Variants in TRPM3 observed in about 807,000 individuals in gnomAD.
The protein encoded by TRPM3 is transient receptor potential cation channel subfamily M member 3, also known as long transient receptor potential channel 3.
A neutral mutation model predicts 181.2 loss-of-function variants in TRPM3; 77 were observed. The ratio of observed to expected loss-of-function variants is 0.42; its 90% CI spans 0.35 to 0.51. TRPM3 has a LOEUF of 0.51. Among genes scored for constraint, TRPM3 ranks in the 20% least tolerant of loss-of-function variants. TRPM3 has a pLI of 0.01. For synonymous variants in TRPM3, 745 were observed against 796.4 expected, an observed-to-expected ratio of 0.94 and a Z score of 1.09; for missense variants, 1,759 against 2,196.7, an observed-to-expected ratio of 0.80 and a Z score of 3.98.
At chr9:70,635,934 G>A (rs1005860684) in intron 11 of TRPM3, among the ~76,000 whole-genome samples, 1 of 152,172 alleles carries the variant, frequency 6.6e-6, no homozygotes, top group Non-Finnish European at 1.5e-5. Context: ...TGGGATGAGG[G>A]TGGGAGAACA....
intron 1 of TRPM3, among the ~76,000 whole-genome samples, chr9:71,022,068 C>T (rs1590721967): frequency 6.6e-6 from 1 of 152,190 alleles, no homozygotes; most frequent in Non-Finnish European, 1.5e-5. Context: ...TAGAAAGGCA[C>T]AGGTTTCAAA....
chr9:71,428,320 T>A lies in TRPM3; in HGVS notation c.183+18333A>T, dbSNP rs537959917. ...CAAGTTGGCCAGGCTGGTCTCAAAC[T>A]CCTGACCTCAGATGATCTGCCCTCC... On this transcript the variant is annotated intron_variant, in intron 1 of 24. Coordinates refer to the TRPM3 transcript ENST00000357533. Among the ~76,000 whole-genome samples the A allele has an allele frequency of 3.0e-4, 44 of 146,384 alleles. No homozygotes were observed. In the East Asian group the frequency reaches 8.9e-3, roughly 30 times the overall value.
chr9:71,404,609 G>T lies in TRPM3; in HGVS notation c.183+42044C>A, dbSNP rs111464704. Among the ~76,000 whole-genome samples, 85 of 152,134 alleles carry T rather than the reference G, an allele frequency of 5.6e-4. 1 individual carries two copies. Among genetic ancestry groups the T allele is most frequent in the African/African-American group, 1.9e-3 (80 of 41,526 alleles). Reference sequence around the variant, plus strand: ...ACCTTCTGATTGCTTTTGTTGCCTTGCTGGCTCTGGTCTTTTCCTCTCCAC... The same window carrying T: ...ACCTTCTGATTGCTTTTGTTGCCTTTCTGGCTCTGGTCTTTTCCTCTCCAC... On this transcript the variant is annotated intron_variant, in intron 1 of 24. Coordinates refer to the TRPM3 transcript ENST00000357533.
intron 1 of TRPM3, among the ~76,000 whole-genome samples, chr9:71,098,411 G>A (rs2067691215): frequency 6.6e-6 from 1 of 152,194 alleles, no homozygotes; most frequent in African/African-American, 2.4e-5. Flanking sequence ...GAGCAAGCCA[G>A]GCTGCTGGGA....
intron 1 of TRPM3, among the ~76,000 whole-genome samples, chr9:70,910,899 G>T (rs1040675069): frequency 2.6e-5 from 4 of 152,150 alleles, no homozygotes; most frequent in Non-Finnish European, 5.9e-5. Flanking sequence ...CTTTGACTTT[G>T]CTGCAGCAAT....
At chr9:71,165,996 T>C (rs10746862) in intron 1 of TRPM3, among the ~76,000 whole-genome samples, 1 of 151,894 alleles carries the variant, frequency 6.6e-6, no homozygotes, top group Non-Finnish European at 1.5e-5. Flanking sequence ...CAATACACTC[T>C]TGATGAAAAT....
At chr9:71,304,546 A>G (rs2087084913) in intron 1 of TRPM3, among the ~76,000 whole-genome samples, 1 of 152,210 alleles carries the variant, frequency 6.6e-6, no homozygotes, top group Non-Finnish European at 1.5e-5. Context: ...GTAATCCTTT[A>G]CTTAAGTCAA....
At chr9:71,045,041 C>G (rs1341973311) in intron 1 of TRPM3, among the ~76,000 whole-genome samples, 2 of 151,928 alleles carry the variant, frequency 1.3e-5, no homozygotes, top group East Asian at 3.9e-4. Flanking sequence ...ATCGAAGAGT[C>G]TCTAGGATTT....
chr9:71,090,174 C>T (rs1339863867), intron 1 of TRPM3, among the ~76,000 whole-genome samples: 1 of 151,992 alleles, frequency 6.6e-6, no homozygotes, highest in East Asian at 1.9e-4. Context: ...ATAAACCTAC[C>T]TTGATGGTGA....
At chr9:71,298,350 T>C (rs890929543) in intron 1 of TRPM3, among the ~76,000 whole-genome samples, 2 of 152,176 alleles carry the variant, frequency 1.3e-5, no homozygotes, top group Admixed American at 6.5e-5. Flanking sequence ...AATAAACTCA[T>C]GCACTGAGAT....
intron 6 of TRPM3, among the ~76,000 whole-genome samples, chr9:70,788,168 C>T (rs1302845540): frequency 8.8e-6 from 1 of 113,808 alleles, no homozygotes; most frequent in Non-Finnish European, 1.8e-5. Flanking sequence ...CCCCCTCCCC[C>T]CACCCCACCA....
At chr9:70,970,520 ATGT>A (rs757922104) in intron 1 of TRPM3, among the ~76,000 whole-genome samples, 15 of 151,994 alleles carry the variant, frequency 9.9e-5, no homozygotes, top group East Asian at 7.7e-4. Context: ...TATTTTCCTA[ATGT>A]TGTTTTTATC....
chr9:70,853,867 T>C (rs558646509), intron 3 of TRPM3, among the ~76,000 whole-genome samples: 97 of 152,356 alleles, frequency 6.4e-4, no homozygotes, highest in African/African-American at 2.2e-3. Context: ...GTTGTCACCA[T>C]TTAGCAACAC....
Position 70,988,956 on chromosome 9 carries a change from C to T in TRPM3, c.178-124445G>A, listed in dbSNP as rs558302435. Among the ~76,000 whole-genome samples the T allele has an allele frequency of 3.3e-5, 5 of 152,246 alleles. 1 individual carries two copies. The East Asian group carries it at 7.7e-4, about 24-fold the overall frequency. ...TAATGTGAAAGGGTTTAGAGGGAGG[C>T]CTTTCCTGAGTTGAGCCTCCAGATG... On this transcript the variant is annotated intron_variant, in intron 1 of 25. Transcript: ENST00000677713.
chr9:71,088,582 C>T (rs2065670086), intron 1 of TRPM3, among the ~76,000 whole-genome samples: 1 of 152,038 alleles, frequency 6.6e-6, no homozygotes, highest in Admixed American at 6.6e-5. Flanking sequence ...AATAACATTA[C>T]TTAATTGTAG....
chr9:71,150,463 T>G (rs879655240), intron 1 of TRPM3, among the ~76,000 whole-genome samples: 28 of 152,266 alleles, frequency 1.8e-4, no homozygotes, highest in Middle Eastern at 3.4e-3. Context: ...GCACCAATCT[T>G]AGGTAATTCC....
At chr9:71,179,732 C>G (rs2077291292) in intron 1 of TRPM3, among the ~76,000 whole-genome samples, 2 of 152,220 alleles carry the variant, frequency 1.3e-5, no homozygotes, top group South Asian at 4.1e-4. Flanking sequence ...TCATACCAAT[C>G]AAACATAACC....
At chr9:70,819,893 A>G (rs60455022) in intron 6 of TRPM3, among the ~76,000 whole-genome samples, 9,143 of 152,230 alleles carry the variant, frequency 0.06, 449 homozygotes, top group East Asian at 0.12. Context: ...TAACACCTCA[A>G]TCAAATGGAG....
At chr9:71,412,387 T>G (rs1177175560) in intron 1 of TRPM3, among the ~76,000 whole-genome samples, 3 of 151,952 alleles carry the variant, frequency 2.0e-5, no homozygotes, top group East Asian at 3.9e-4. Context: ...ACAAAGAACT[T>G]AAACAAATTT....
Sources: allele counts gnomAD v4.1 joint callset (sites outside exome capture counted in the v4.1 genomes callset), GRCh38; gene constraint gnomAD v4.1.1; transcripts MANE v1.5; gene names NCBI Gene and HGNC (gene_info 2026-07-23, HGNC 2026-07-21).